The following ZNF341 variants were observed in gnomAD, a reference collection of about 807,000 sequenced individuals.
ZNF341 encodes the protein zinc finger protein 341.
A neutral mutation model predicts 87.7 loss-of-function variants in ZNF341; 52 were observed. The observed-to-expected ratio is 0.59, with a 90% confidence interval of 0.47 to 0.75. ZNF341 has a LOEUF of 0.75. Among genes scored for constraint, ZNF341 ranks in the 30% least tolerant of loss-of-function variants. The pLI is 0.00. For synonymous variants in ZNF341, 459 were observed against 472.7 expected, an observed-to-expected ratio of 0.97 and a Z score of 0.38; for missense variants, 977 against 1,145.9, an observed-to-expected ratio of 0.85 and a Z score of 2.13.
At chr20:33,771,442 C>T (rs1163533289) in intron 10 of ZNF341, among the ~76,000 whole-genome samples, 3 of 151,640 alleles carry the variant, frequency 2.0e-5, no homozygotes, top group East Asian at 2.0e-4. Flanking sequence ...GACGGGGTTT[C>T]GCCATGTTGC....
At chr20:33,752,573 C>G in intron 4 of ZNF341, 1 of 369,092 alleles carries the variant, frequency 2.7e-6, no homozygotes, top group Non-Finnish European at 5.2e-6. Flanking sequence ...AAAGGGAAGC[C>G]CTTCTTAAGA....
At chr20:33,746,250 T>TTTTTTTTTTTTTTTTTTGTGGG (rs2018919004) in intron 3 of ZNF341, among the ~76,000 whole-genome samples, 1 of 127,304 alleles carries the variant, frequency 7.9e-6, no homozygotes, top group African/African-American at 3.6e-5. Context: ...TTTTTTTTTT[T>TTTTTTTTTTTTTTTTTTGTGGG]GAGACGGAGT....
intron 1 of ZNF341, among the ~76,000 whole-genome samples, chr20:33,735,143 G>C (rs2018652283): frequency 1.3e-5 from 2 of 151,892 alleles, no homozygotes; most frequent in East Asian, 3.9e-4. Flanking sequence ...CGATTCTCCT[G>C]CCTCAGCCTC....
chr20:33,745,410 C>A, intron 3 of ZNF341, 111 bp downstream of exon 3: 1 of 1,114,844 alleles, frequency 9.0e-7, no homozygotes, highest in Non-Finnish European at 1.3e-6. Flanking sequence ...AAGTCCCTGC[C>A]CTTGTGGAGT....
chr20:33,770,244 A>G lies in ZNF341; in HGVS notation c.1574A>G (p.His525Arg), dbSNP rs2122705564. 2 of 1,527,260 alleles carry G rather than the reference A, an allele frequency of 1.3e-6. No individual in the cohort carries two copies. The highest frequency in any genetic ancestry group is 1.8e-6 in the Non-Finnish European group (2 of 1,125,352). 94.6% of individuals were successfully genotyped at this position (1,527,260 alleles called of 1,614,324 possible). A position where few individuals can be genotyped will look rare whatever the true frequency, so the allele number is the denominator to read the frequency against. ...GACCTGGGCGTGCACCAGTACTCCC[A>G]CAGCCTCCTGCCACAGCACAGCCCC... ...LYDLGVHQYS[H>R]SLLPQHSPKK... The change falls in exon 10 of 15, where the codon CAC (histidine) becomes CGC (arginine). Residue 525 changes from histidine to arginine, a missense_variant. His to Arg is a conservative substitution (Grantham distance 29, BLOSUM62 0). Transcript: ENST00000375200.
intron 1 of ZNF341, among the ~76,000 whole-genome samples, chr20:33,739,587 AAAAG>A (rs1824045035): frequency 6.6e-6 from 1 of 152,350 alleles, no homozygotes; most frequent in African/African-American, 2.4e-5. Flanking sequence ...TGCAGAACAA[AAAAG>A]ATAGACACAC....
At position 33,755,758 on chromosome 20, in the gene ZNF341, A is replaced by C. The variant is rs1055178056; in HGVS notation, c.742-1390A>C. ...CAGGCATGCACCACCATGCCCATCT[A>C]ATTTTTTTAATGTTTTGTGGAGATG... is the stretch of plus-strand genomic sequence containing the variant. On this transcript the variant is annotated intron_variant, in intron 5 of 14. Coordinates refer to ENST00000375200, the MANE Select transcript of ZNF341 (RefSeq NM_001282933.2). Among the ~76,000 whole-genome samples, 3 of 151,582 alleles carry C rather than the reference A, an allele frequency of 2.0e-5. No homozygotes were observed. In the East Asian group the frequency reaches 5.9e-4, roughly 30 times the overall value.
At chr20:33,772,940 C>T (rs1019874332) in intron 10 of ZNF341, among the ~76,000 whole-genome samples, 11 of 152,166 alleles carry the variant, frequency 7.2e-5, no homozygotes, top group Admixed American at 5.2e-4. Context: ...CTTTGGCCAG[C>T]CAAGGGGCAG....
chr20:33,747,034 C>T (rs1000536513), intron 3 of ZNF341, among the ~76,000 whole-genome samples: 4 of 152,064 alleles, frequency 2.6e-5, no homozygotes, highest in African/African-American at 9.7e-5. Flanking sequence ...AGGCTGGAGG[C>T]ATCTGGGGAA....
chr20:33,776,068 A>G (rs2019620155), intron 10 of ZNF341, among the ~76,000 whole-genome samples: 1 of 151,896 alleles, frequency 6.6e-6, no homozygotes, highest in African/African-American at 2.4e-5. Flanking sequence ...TTTAATTTTA[A>G]TATAATTAAT....
At chr20:33,789,435 C>T (rs772851552) in intron 13 of ZNF341, 83 bp from the exon 14 acceptor site, 34 of 1,451,230 alleles carry the variant, frequency 2.3e-5, no homozygotes, top group Non-Finnish European at 3.3e-5. Flanking sequence ...AAGGCTGTCC[C>T]TTGTGCCCAG....
intron 7 of ZNF341, among the ~76,000 whole-genome samples, chr20:33,760,863 C>G (rs142819222): frequency 1.1e-3 from 160 of 152,180 alleles, no homozygotes; most frequent in African/African-American, 3.7e-3. Flanking sequence ...ATTTAAATAG[C>G]CCCATATGGC....
intron 1 of ZNF341, among the ~76,000 whole-genome samples, chr20:33,737,967 G>A (rs2018726204): frequency 6.6e-6 from 1 of 151,568 alleles, no homozygotes; most frequent in African/African-American, 2.4e-5. Flanking sequence ...GAGAAACCCT[G>A]TCATTACTAA....
At chr20:33,761,337 T>C (rs1476238255) in intron 7 of ZNF341, among the ~76,000 whole-genome samples, 3 of 152,204 alleles carry the variant, frequency 2.0e-5, no homozygotes. Context: ...CAATCTTGGC[T>C]CACTGCAACC....
chr20:33,736,435 C>T (rs1379951311), intron 1 of ZNF341, among the ~76,000 whole-genome samples: 1 of 152,148 alleles, frequency 6.6e-6, no homozygotes, highest in Non-Finnish European at 1.5e-5. Flanking sequence ...ATAGCCCTTC[C>T]CCAAAACTAA....
At chr20:33,772,308 C>G (rs2019549886) in intron 10 of ZNF341, among the ~76,000 whole-genome samples, 2 of 152,064 alleles carry the variant, frequency 1.3e-5, no homozygotes, top group Non-Finnish European at 2.9e-5. Context: ...TGTGGGGCCT[C>G]CTTCCAGTTC....
At chr20:33,757,446 T>A (rs2019202814) in intron 6 of ZNF341, 103 bp downstream of exon 6, 2 of 1,070,640 alleles carry the variant, frequency 1.9e-6, no homozygotes, top group Admixed American at 7.8e-5. Flanking sequence ...TTTGGTTGCA[T>A]GTAATAGAAA....
chr20:33,757,133 G>A lies in ZNF341; in HGVS notation c.742-15G>A. On this transcript the variant is annotated splice_polypyrimidine_tract_variant and intron_variant, in intron 5 of 14. Transcript: ENST00000375200. ...CCCTGGCAGGGCTTTTTCCCTGACTGTGTTGTCCTCCTAGGTGCCAAACCA... is the reference window on the plus strand; with the variant it reads ...CCCTGGCAGGGCTTTTTCCCTGACTATGTTGTCCTCCTAGGTGCCAAACCA... The A allele has an allele frequency of 7.2e-7, 1 of 1,391,002 alleles. No homozygotes were observed. The highest frequency in any genetic ancestry group is 9.4e-7 in the Non-Finnish European group (1 of 1,062,902). The allele number at this position is 1,391,002 out of a possible 1,614,324, so 86.2% of individuals were successfully genotyped here. A position where few individuals can be genotyped will look rare whatever the true frequency, so the allele number is the denominator to read the frequency against.
At chr20:33,737,711 G>T (rs1460027197) in intron 1 of ZNF341, among the ~76,000 whole-genome samples, 2 of 152,094 alleles carry the variant, frequency 1.3e-5, no homozygotes, top group Non-Finnish European at 2.9e-5. Context: ...TGTGGAAAAT[G>T]GTCCTCCTAC....
Sources: gnomAD v4.1 joint callset for allele counts (sites outside exome capture counted in the v4.1 genomes callset) on GRCh38, gnomAD v4.1.1 for gene constraint, MANE v1.5 for transcripts, NCBI Gene and HGNC (gene_info 2026-07-23, HGNC 2026-07-21) for gene names.